The following MACC1 variants were observed in gnomAD, a reference collection of about 807,000 sequenced individuals.
MACC1 encodes the protein MET transcriptional regulator MACC1, also known as metastasis-associated in colon cancer protein 1.
Under a neutral mutation model 70.7 loss-of-function variants are expected in MACC1, and 79 were observed. The ratio of observed to expected loss-of-function variants is 1.12; its 90% CI spans 0.93 to 1.35. The LOEUF (loss-of-function observed/expected upper bound fraction) is 1.35. Ranked by LOEUF, MACC1 falls within the 40% of genes most tolerant of loss-of-function variation. The pLI is 0.00. For missense variants in MACC1, 1,106 were observed against 978.1 expected (o/e 1.13, Z -1.74); for synonymous variants, 361 against 347.2 (o/e 1.04, Z -0.44).
intron 1 of MACC1, among the ~76,000 whole-genome samples, chr7:20,178,238 C>T (rs3114451): frequency 0.49 from 73,602 of 151,122 alleles, 19,629 homozygotes; most frequent in East Asian, 0.86. Context: ...ACTATTATTG[C>T]TGCCCAGAAT....
At chr7:20,206,582 CA>C (rs1316213554) in intron 1 of MACC1, among the ~76,000 whole-genome samples, 2 of 152,190 alleles carry the variant, frequency 1.3e-5, no homozygotes, top group African/African-American at 4.8e-5. Context: ...TCTTATGCTG[CA>C]GTTCTTAACA....
intron 1 of MACC1, among the ~76,000 whole-genome samples, chr7:20,195,679 T>C (rs758903973): frequency 3.9e-5 from 6 of 152,220 alleles, no homozygotes; most frequent in African/African-American, 9.6e-5. Flanking sequence ...GAGAATGTTA[T>C]TGAAATCAAA....
At position 20,160,068 on chromosome 7, in the gene MACC1, TCCTTTAAGATGGAA is replaced by T. The variant is rs1440092492; in HGVS notation, c.279_292del (p.Ser94ArgfsTer7). On this transcript the variant is annotated frameshift_variant, in exon 5 of 7. Coordinates refer to ENST00000400331, the MANE Select transcript of MACC1 (RefSeq NM_182762.4). LOFTEE classifies it high-confidence loss of function. The stretch of plus-strand genomic sequence containing the variant: ...TTCTCTACAGAAAAGAAAAGGATCT[TCCTTTAAGATGGAA>T]ATATTATTTCTCTTCCTGTTATTTC... The T allele has an allele frequency of 3.1e-6, 5 of 1,609,730 alleles. No homozygotes were observed. Among genetic ancestry groups the T allele is most frequent in the Non-Finnish European group, 3.4e-6 (4 of 1,178,796 alleles).
At chr7:20,156,514 CT>C (rs1782057054) in intron 5 of MACC1, among the ~76,000 whole-genome samples, 1 of 152,192 alleles carries the variant, frequency 6.6e-6, no homozygotes, top group African/African-American at 2.4e-5. Context: ...CAATTCAAAC[CT>C]TTGCAGGTGA....
chr7:20,145,265 GGCAAATC>G (rs1424050898), intron 6 of MACC1, among the ~76,000 whole-genome samples: 1 of 152,086 alleles, frequency 6.6e-6, no homozygotes, highest in Non-Finnish European at 1.5e-5. Flanking sequence ...AGAAAAACTT[GGCAAATC>G]CAGGATTTTG....
chr7:20,152,308 T>A (rs78191638), intron 6 of MACC1, among the ~76,000 whole-genome samples: 1 of 152,022 alleles, frequency 6.6e-6, no homozygotes, highest in Non-Finnish European at 1.5e-5. Context: ...TGCACTTCCC[T>A]CCCTCTGCAC....
At chr7:20,173,887 A>T (rs547090126) in intron 1 of MACC1, among the ~76,000 whole-genome samples, 2 of 152,170 alleles carry the variant, frequency 1.3e-5, no homozygotes, top group African/African-American at 4.8e-5. Context: ...CTGTCTTTTG[A>T]GGAGCAGTTG....
chr7:20,160,088 A>G lies in MACC1; in HGVS notation c.273T>C (p.Asn91=), dbSNP rs374943454. Residue 91 remains asparagine, a synonymous_variant, in exon 5 of 7, where the codon AAT becomes AAC. Transcript: ENST00000400331. ...GATCTTCCTTTAAGATGGAAATATT[A>G]TTTCTCTTCCTGTTATTTCTTAGTT... The part of the protein sequence containing the change: ...ITQLRNNRKR[N]NISILKEDPF... The G allele has an allele frequency of 2.3e-4, 365 of 1,612,090 alleles. 1 individual carries two copies. Among genetic ancestry groups the G allele is most frequent in the Middle Eastern group, 1.2e-3 (7 of 6,072 alleles).
chr7:20,143,920 T>C (rs561272061), intron 6 of MACC1, among the ~76,000 whole-genome samples: 5 of 152,252 alleles, frequency 3.3e-5, no homozygotes, highest in African/African-American at 1.2e-4. Flanking sequence ...TAAAAGAGCA[T>C]TGGGCTGAAA....
chr7:20,179,992 T>C (rs764775613), intron 1 of MACC1, among the ~76,000 whole-genome samples: 1 of 152,218 alleles, frequency 6.6e-6, no homozygotes, highest in African/African-American at 2.4e-5. Flanking sequence ...GAGCTGTTTA[T>C]TGATATTTTT....
intron 1 of MACC1, among the ~76,000 whole-genome samples, chr7:20,181,873 C>G (rs1782514674): frequency 1.3e-5 from 2 of 151,880 alleles, no homozygotes; most frequent in Non-Finnish European, 2.9e-5. Context: ...TACTCCTAAC[C>G]AATTCAAGAG....
At chr7:20,194,576 C>T (rs1753705544) in intron 1 of MACC1, among the ~76,000 whole-genome samples, 1 of 152,194 alleles carries the variant, frequency 6.6e-6, no homozygotes, top group Non-Finnish European at 1.5e-5. Flanking sequence ...AACCTCTTGG[C>T]CCATCCATTA....
At chr7:20,186,374 C>T (rs1304919418) in intron 1 of MACC1, among the ~76,000 whole-genome samples, 1 of 151,990 alleles carries the variant, frequency 6.6e-6, no homozygotes, top group Non-Finnish European at 1.5e-5. Context: ...CTAACTCATA[C>T]TAAGTAATTA....
intron 1 of MACC1, among the ~76,000 whole-genome samples, chr7:20,176,123 C>T (rs954206308): frequency 6.6e-6 from 1 of 152,074 alleles, no homozygotes; most frequent in African/African-American, 2.4e-5. Context: ...TTACTAAGTA[C>T]AACAAATGTT....
In MACC1 at chr7:20,159,643, G is replaced by T; in HGVS notation, c.718C>A (p.His240Asn). ...SDITVHVPQG[H>N]VAVGEFQEVS... ...TCTTGGAATTCTCCCACAGCCACAT[G>T]ACCTTGGGGCACATGAACAGTGATG... Residue 240 changes from histidine to asparagine, a missense_variant, in exon 5 of 7, where the codon CAT becomes AAT. By Grantham distance (68) the His-to-Asn change is moderately conservative. Transcript: ENST00000400331. 6.2e-7 allele frequency: 1 copy of T among 1,614,106 alleles called. No individual in the cohort carries two copies. Among genetic ancestry groups the T allele is most frequent in the Non-Finnish European group, 8.5e-7 (1 of 1,180,022 alleles).
At chr7:20,178,514 A>G (rs3114453) in intron 1 of MACC1, among the ~76,000 whole-genome samples, 73,435 of 151,708 alleles carry the variant, frequency 0.48, 19,493 homozygotes, top group East Asian at 0.86. Context: ...GCAGTTTTTT[A>G]TCATTCTGTT....
Position 20,172,164 on chromosome 7 carries a change from A to G in MACC1, c.-217-1386T>C, listed in dbSNP as rs140419254. On this transcript the variant is annotated intron_variant, in intron 1 of 6. Transcript: ENST00000400331. ...CAGGAAACATTTATAGTGTAAAATAAGAGGCATTGAGTCCAACTTAACAGC... is the reference window on the plus strand; with the variant it reads ...CAGGAAACATTTATAGTGTAAAATAGGAGGCATTGAGTCCAACTTAACAGC... Among the ~76,000 whole-genome samples the G allele has an allele frequency of 6.6e-3, 1,002 of 152,356 alleles. 17 individuals are homozygous for G. The highest frequency in any genetic ancestry group is 0.022 in the African/African-American group (901 of 41,584).
chr7:20,178,603 G>C (rs993545084), intron 1 of MACC1, among the ~76,000 whole-genome samples: 2 of 151,930 alleles, frequency 1.3e-5, no homozygotes, highest in African/African-American at 4.8e-5. Context: ...TAACCTTTTT[G>C]TTTTTGTTTT....
chr7:20,213,999 C>G (rs1470576023), intron 1 of MACC1, among the ~76,000 whole-genome samples: 1 of 152,004 alleles, frequency 6.6e-6, no homozygotes, highest in Admixed American at 6.6e-5. Context: ...TGAATTACTC[C>G]TTCATCCTCT....
Sources: allele counts gnomAD v4.1 joint callset (sites outside exome capture counted in the v4.1 genomes callset), GRCh38; gene constraint gnomAD v4.1.1; transcripts MANE v1.5; gene names NCBI Gene and HGNC (gene_info 2026-07-23, HGNC 2026-07-21).